The following BLTP1 variants were observed in gnomAD, a reference collection of about 807,000 sequenced individuals.
The protein encoded by BLTP1 is fragile site-associated protein.
the BLTP1 span, chr4:122,266,776 C>T: frequency 6.3e-7 from 1 of 1,586,156 alleles, no homozygotes; most frequent in South Asian, 1.1e-5. Context: ...ATGTTTATGT[C>T]TTTTAGGTTG....
At chr4:122,211,421 A>G in the BLTP1 span, among the ~76,000 whole-genome samples, 3 of 152,164 alleles carry the variant, frequency 2.0e-5, no homozygotes, top group East Asian at 5.8e-4. Flanking sequence ...ACAAATTTTA[A>G]CACATTGTAA....
At chr4:122,340,231 T>C in the BLTP1 span, among the ~76,000 whole-genome samples, 1 of 152,154 alleles carries the variant, frequency 6.6e-6, no homozygotes, top group Non-Finnish European at 1.5e-5. Context: ...TTCTATAGTA[T>C]ATATGACAAC....
At chr4:122,353,891 T>C in the BLTP1 span, 1 of 1,613,986 alleles carries the variant, frequency 6.2e-7, no homozygotes, top group Non-Finnish European at 8.5e-7. This position sits in a 1 kb window ranked among gnomAD's most constrained non-coding sequence, Gnocchi z 4.3. Flanking sequence ...TACCAAACCA[T>C]GTGGTGCTTT....
At chr4:122,247,068 T>C in the BLTP1 span, 1 of 1,425,374 alleles carries the variant, frequency 7.0e-7, no homozygotes, top group Non-Finnish European at 9.5e-7. Flanking sequence ...GAGTGTTTTG[T>C]TTTTTTTAAA....
the BLTP1 span, chr4:122,325,782 G>A: frequency 1.6e-5 from 13 of 806,702 alleles, no homozygotes; most frequent in African/African-American, 7.6e-5. Flanking sequence ...TGTTTTTTGT[G>A]TATTTACTTT....
chr4:122,282,624 A>G, the BLTP1 span, among the ~76,000 whole-genome samples: 1 of 152,094 alleles, frequency 6.6e-6, no homozygotes, highest in Admixed American at 6.5e-5. Context: ...CCTTGGCGAC[A>G]GAGTGAGACT....
chr4:122,279,979 A>C, the BLTP1 span: 3 of 1,613,958 alleles, frequency 1.9e-6, no homozygotes, highest in Non-Finnish European at 2.5e-6. Context: ...AGCCTTCTAC[A>C]GCGTAAGTTA....
At chr4:122,320,735 C>CT in the BLTP1 span, among the ~76,000 whole-genome samples, 1 of 151,948 alleles carries the variant, frequency 6.6e-6, no homozygotes, top group African/African-American at 2.4e-5. Flanking sequence ...ATTGTCAGAT[C>CT]TTTTTTAATC....
At chr4:122,166,409 C>A in the BLTP1 span, among the ~76,000 whole-genome samples, 1 of 152,106 alleles carries the variant, frequency 6.6e-6, no homozygotes, top group African/African-American at 2.4e-5. Context: ...TTTCTGAGGG[C>A]TCTGTTCCGT....
chr4:122,346,311 T>G, the BLTP1 span: 1 of 319,324 alleles, frequency 3.1e-6, no homozygotes, highest in Non-Finnish European at 4.5e-6. Context: ...ATCCTGATGA[T>G]TCATTTTCCA....
At chr4:122,362,700 T>C in the BLTP1 span, 2 of 154,826 alleles carry the variant, frequency 1.3e-5, no homozygotes, top group African/African-American at 2.4e-5. Flanking sequence ...GATATGATTG[T>C]ATACCACTAA....
chr4:122,304,926 GTT>G, the BLTP1 span: 1 of 1,613,964 alleles, frequency 6.2e-7, no homozygotes, highest in Non-Finnish European at 8.5e-7. Flanking sequence ...ATCTGAAACT[GTT>G]TGGCAAATGC....
chr4:122,308,165 A>G, the BLTP1 span: 1 of 1,612,502 alleles, frequency 6.2e-7, no homozygotes, highest in Non-Finnish European at 8.5e-7. Context: ...GCACAGGTAC[A>G]AAAAGTCAAG....
At chr4:122,301,493 A>G in the BLTP1 span, 6 of 632,124 alleles carry the variant, frequency 9.5e-6, no homozygotes, top group Non-Finnish European at 1.3e-5. Context: ...ATTACCAAAC[A>G]GAAAATAAAA....
the BLTP1 span, chr4:122,235,046 G>A: frequency 5.1e-6 from 8 of 1,560,734 alleles, no homozygotes; most frequent in Non-Finnish European, 7.0e-6. Flanking sequence ...TTCGTCACTT[G>A]TGCTAATTGT....
chr4:122,273,263 A>G, the BLTP1 span: 32 of 974,542 alleles, frequency 3.3e-5, no homozygotes, highest in Middle Eastern at 5.2e-4. Context: ...ACCCTTCTTT[A>G]CCTGTTTTGT....
the BLTP1 span, among the ~76,000 whole-genome samples, chr4:122,259,644 A>G: frequency 6.6e-6 from 1 of 152,002 alleles, no homozygotes; most frequent in Non-Finnish European, 1.5e-5. Context: ...GGTGGATCAC[A>G]AGGTCAGGAG....
chr4:122,263,082 A>C, the BLTP1 span: 2 of 1,395,090 alleles, frequency 1.4e-6, no homozygotes, highest in Non-Finnish European at 1.9e-6. Flanking sequence ...TGGTAGTACA[A>C]CTAATCTCTC....
chr4:122,349,998 G>A, the BLTP1 span: 2 of 1,613,776 alleles, frequency 1.2e-6, no homozygotes, highest in South Asian at 2.2e-5. The surrounding 1 kb of genome is among the most constrained non-coding windows in gnomAD (Gnocchi z 4.5). Flanking sequence ...AACGAGCTCT[G>A]TCTACCTGGG....
Sources: gnomAD v4.1 joint callset for allele counts (sites outside exome capture counted in the v4.1 genomes callset) on GRCh38, gnomAD v4.1.1 for gene constraint, Gnocchi (gnomAD v3.1) non-coding constraint, MANE v1.5 for transcripts, NCBI Gene and HGNC (gene_info 2026-07-23, HGNC 2026-07-21) for gene names.